The following UNC13C variants were observed in gnomAD, a reference collection of about 807,000 sequenced individuals.
UNC13C encodes the protein protein unc-13 homolog C.
In UNC13C, 174 loss-of-function variants were observed where a neutral mutation model predicts 245.4. The observed-to-expected ratio is 0.71, with a 90% confidence interval of 0.63 to 0.80. UNC13C has a LOEUF of 0.80. Among genes scored for constraint, UNC13C ranks in the 30% least tolerant of loss-of-function variants. UNC13C has a pLI of 0.00. For missense variants in UNC13C, 2,829 were observed against 2,602.9 expected, an observed-to-expected ratio of 1.09 and a Z score of -1.89; for synonymous variants, 992 against 895.1, an observed-to-expected ratio of 1.11 and a Z score of -1.93.
chr15:53,935,556 A>T, the UNC13C span, among the ~76,000 whole-genome samples: 2 of 152,246 alleles, frequency 1.3e-5, no homozygotes, highest in Non-Finnish European at 2.9e-5. Context: ...AAGCAGATAC[A>T]GTCCATGGTT....
intron 26 of UNC13C, among the ~76,000 whole-genome samples, chr15:54,540,354 T>C (rs1331873354): frequency 6.6e-6 from 1 of 152,056 alleles, no homozygotes; most frequent in Non-Finnish European, 1.5e-5. Context: ...CGATTAATTA[T>C]ATGACAGGAA....
intron 19 of UNC13C, among the ~76,000 whole-genome samples, chr15:54,461,847 G>T (rs1215218924): frequency 6.6e-6 from 1 of 152,168 alleles, no homozygotes; most frequent in African/African-American, 2.4e-5. Context: ...AGAGTGAGGA[G>T]ATTTGAGGGG....
chr15:54,185,095 G>A (rs972139957), intron 4 of UNC13C, among the ~76,000 whole-genome samples: 2 of 152,048 alleles, frequency 1.3e-5, no homozygotes, highest in South Asian at 2.1e-4. Flanking sequence ...CATATCCTTC[G>A]CTCACTTTTT....
chr15:54,125,244 G>A (rs565153328), intron 2 of UNC13C, among the ~76,000 whole-genome samples: 9 of 152,188 alleles, frequency 5.9e-5, no homozygotes, highest in Admixed American at 2.0e-4. Flanking sequence ...CAGGTGGATC[G>A]TGAGGTCAGG....
At chr15:54,453,958 C>T (rs1567287253) in intron 19 of UNC13C, among the ~76,000 whole-genome samples, 1 of 152,136 alleles carries the variant, frequency 6.6e-6, no homozygotes, top group Non-Finnish European at 1.5e-5. Context: ...TGATAACCAT[C>T]TACCTTCTAG....
chr15:54,272,363 T>C (rs1240611208), intron 10 of UNC13C, among the ~76,000 whole-genome samples: 8 of 151,850 alleles, frequency 5.3e-5, no homozygotes, highest in Non-Finnish European at 1.2e-4. Context: ...TAATACCATA[T>C]TTAAAATATT....
intron 17 of UNC13C, 148 bp from the exon 18 acceptor site, chr15:54,392,900 A>G: frequency 1.2e-6 from 1 of 868,562 alleles, no homozygotes; most frequent in Non-Finnish European, 1.6e-6. Flanking sequence ...AATGAAGAAA[A>G]GAAACCTGAG....
At chr15:54,170,829 T>C (rs1354005165) in intron 4 of UNC13C, among the ~76,000 whole-genome samples, 1 of 152,126 alleles carries the variant, frequency 6.6e-6, no homozygotes, top group African/African-American at 2.4e-5. Context: ...AAAAGTAAAC[T>C]GGCCTAGCTA....
At chr15:54,083,065 G>C (rs915085303) in intron 2 of UNC13C, among the ~76,000 whole-genome samples, 1 of 152,140 alleles carries the variant, frequency 6.6e-6, no homozygotes, top group Non-Finnish European at 1.5e-5. Context: ...GCAATGAAGA[G>C]TAAGAGCCGG....
intron 2 of UNC13C, among the ~76,000 whole-genome samples, chr15:54,138,949 C>G (rs2031870292): frequency 4.1e-5 from 1 of 24,284 alleles, no homozygotes; most frequent in Non-Finnish European, 1.0e-4. Flanking sequence ...CCAAATTTCC[C>G]CTAATTTTTT....
rs567344187 is a variant in UNC13C, at chr15:54,495,049, A to G, written c.5060+315A>G. ...GAACACAGATTTTTTTGGGGAAAGT[A>G]TGGTGCTTGTATATTGACCTATATA... On this transcript the variant is annotated intron_variant, in intron 20 of 32. Coordinates refer to ENST00000260323, the MANE Select transcript of UNC13C (RefSeq NM_001080534.3). 2.0e-5 allele frequency among the ~76,000 whole-genome samples: 3 copies of G among 152,092 alleles called. No individual in the cohort carries two copies. The South Asian group carries it at 6.2e-4, about 32-fold the overall frequency.
chr15:54,013,792 C>T lies in UNC13C; in HGVS notation c.889C>T (p.Gln297Ter). Residue 297 changes from glutamine (Q) to a stop codon, truncating the protein, a stop_gained, in exon 2 of 33, where the codon CAG becomes TAG. Coordinates refer to ENST00000260323, the MANE Select transcript of UNC13C (RefSeq NM_001080534.3). LOFTEE classifies it high-confidence loss of function. ...EIEQLRTGFVQSRRETRDIHD... is the reference protein window; with the variant it reads ...EIEQLRTGFV ...TGAGCAGTTGCGCACAGGGTTTGTC[C>T]AGTCTCGGAGGGAAACTAGAGACAT... The T allele has an allele frequency of 6.2e-7, 1 of 1,611,414 alleles. No individual in the cohort carries two copies. Among genetic ancestry groups the T allele is most frequent in the Non-Finnish European group, 8.5e-7 (1 of 1,178,816 alleles).
At chr15:53,860,716 CT>C in the UNC13C span, among the ~76,000 whole-genome samples, 1 of 152,120 alleles carries the variant, frequency 6.6e-6, no homozygotes, top group African/African-American at 2.4e-5. Context: ...ATCTTTTAGA[CT>C]TTTTTTCTGA....
At chr15:54,338,559 T>C (rs898248032) in intron 17 of UNC13C, 70 bp downstream of exon 17, 229 of 1,521,202 alleles carry the variant, frequency 1.5e-4, no homozygotes, top group Non-Finnish European at 1.9e-4. Flanking sequence ...AAGTTTAGCA[T>C]AATAGTAAAT....
intron 2 of UNC13C, among the ~76,000 whole-genome samples, chr15:54,067,300 G>A (rs1898120443): frequency 6.6e-6 from 1 of 152,066 alleles, no homozygotes. Context: ...TTTATCTCCT[G>A]AGAGAACAGT....
intron 11 of UNC13C, among the ~76,000 whole-genome samples, chr15:54,296,072 T>C (rs781579059): frequency 5.9e-5 from 9 of 152,196 alleles, no homozygotes; most frequent in Non-Finnish European, 1.2e-4. Flanking sequence ...CCAAAGATCC[T>C]TAGGGATGAT....
chr15:54,464,815 A>G (rs1291159919), intron 19 of UNC13C, among the ~76,000 whole-genome samples: 2 of 151,922 alleles, frequency 1.3e-5, no homozygotes, highest in African/African-American at 4.8e-5. Flanking sequence ...AGTAAAAGGT[A>G]TTAAGGACTT....
chr15:54,236,016 T>A (rs2035688637), intron 5 of UNC13C, among the ~76,000 whole-genome samples: 1 of 111,576 alleles, frequency 9.0e-6, no homozygotes. Flanking sequence ...TACATTAGAT[T>A]GTAAAAAAAA....
chr15:54,359,095 T>C (rs2039167830), intron 17 of UNC13C, among the ~76,000 whole-genome samples: 1 of 152,210 alleles, frequency 6.6e-6, no homozygotes. Flanking sequence ...TTTTGTTTTT[T>C]GTCCTTGATT....
Sources: gnomAD v4.1 joint callset for allele counts (sites outside exome capture counted in the v4.1 genomes callset) on GRCh38, gnomAD v4.1.1 for gene constraint, MANE v1.5 for transcripts, NCBI Gene and HGNC (gene_info 2026-07-23, HGNC 2026-07-21) for gene names.